SIPA1L2: variants seen among roughly 807,000 people sequenced by gnomAD.
SIPA1L2 encodes signal-induced proliferation-associated 1-like protein 2.
SIPA1L2 carries 56 observed loss-of-function variants against 163.9 expected under a neutral mutation model. That is an observed-to-expected ratio of 0.34 (90% CI 0.28 to 0.43). The LOEUF (loss-of-function observed/expected upper bound fraction) is 0.43. Ranked by LOEUF, SIPA1L2 falls within the 20% of genes least tolerant of loss-of-function variation. SIPA1L2 has a pLI of 1.00. For synonymous variants in SIPA1L2, 877 were observed against 865.7 expected, an observed-to-expected ratio of 1.01 and a Z score of -0.23; for missense variants, 1,974 against 2,193.5, an observed-to-expected ratio of 0.90 and a Z score of 2.00.
At chr1:232,464,283 A>G (rs916384076) in intron 9 of SIPA1L2, among the ~76,000 whole-genome samples, 9 of 152,266 alleles carry the variant, frequency 5.9e-5, no homozygotes, top group African/African-American at 2.2e-4. Flanking sequence ...TAAAAATCAC[A>G]TACATGAAAA....
intron 2 of SIPA1L2, among the ~76,000 whole-genome samples, chr1:232,559,674 A>G (rs1658920851): frequency 6.6e-6 from 1 of 152,188 alleles, no homozygotes; most frequent in Non-Finnish European, 1.5e-5. Context: ...TTTTGTTTTC[A>G]TCATTGGGTG....
At chr1:232,455,574 G>C (rs1165710714) in intron 10 of SIPA1L2, among the ~76,000 whole-genome samples, 1 of 152,046 alleles carries the variant, frequency 6.6e-6, no homozygotes, top group East Asian at 1.9e-4. Context: ...CCAGCTACTC[G>C]GAAGGCTGAA....
chr1:232,577,311 A>C (rs777071006), intron 1 of SIPA1L2, among the ~76,000 whole-genome samples: 3 of 152,208 alleles, frequency 2.0e-5, no homozygotes, highest in Non-Finnish European at 2.9e-5. Context: ...GCTCAGAAAA[A>C]AAGATTCCTT....
chr1:232,608,387 T>C lies in SIPA1L2; in HGVS notation c.-319+21482A>G, dbSNP rs572974430. Among the ~76,000 whole-genome samples the C allele has an allele frequency of 2.6e-5, 4 of 152,278 alleles. No individual in the cohort carries two copies. In the South Asian group the frequency reaches 8.3e-4, roughly 32 times the overall value. The stretch of plus-strand genomic sequence containing the variant: ...TTGAGAGGAATGGGCAGATAATCTT[T>C]TAGGGATAGCTTCTCACAAGGGTTC... On this transcript the variant is annotated intron_variant, in intron 1 of 22. Transcript: ENST00000674635.
intron 18 of SIPA1L2, among the ~76,000 whole-genome samples, chr1:232,416,878 C>G (rs537652710): frequency 6.6e-6 from 1 of 152,276 alleles, no homozygotes; most frequent in East Asian, 1.9e-4. Context: ...TCCTTAAACT[C>G]TCATCAAGGT....
chr1:232,585,498 C>A (rs889110933), intron 1 of SIPA1L2, among the ~76,000 whole-genome samples: 1 of 152,184 alleles, frequency 6.6e-6, no homozygotes, highest in African/African-American at 2.4e-5. Context: ...CTAATGGAAA[C>A]TGATCCAAAG....
chr1:232,588,079 T>C (rs1366944044), intron 1 of SIPA1L2, among the ~76,000 whole-genome samples: 1 of 152,152 alleles, frequency 6.6e-6, no homozygotes, highest in Non-Finnish European at 1.5e-5. Flanking sequence ...AAAAAACTGA[T>C]TTTATTACGC....
At chr1:232,440,329 C>T (rs1360644080) in intron 14 of SIPA1L2, among the ~76,000 whole-genome samples, 1 of 152,186 alleles carries the variant, frequency 6.6e-6, no homozygotes, top group African/African-American at 2.4e-5. Context: ...ACGAGCCAGG[C>T]CCCAGTAGAT....
At position 232,465,111 on chromosome 1, in the gene SIPA1L2, A is replaced by G. The variant is rs1664440415; in HGVS notation, c.2549T>C (p.Phe850Ser). ...KVKPRKDAHLFSIGAIMWHVI... is the reference protein window; with the variant it reads ...KVKPRKDAHLSSIGAIMWHVI... ...GTGCCACATGATGGCCCCAATGCTA[A>G]ACAAGTGGGCATCCTTCCTTGGCTT... Residue 850 changes from phenylalanine (F) to serine (S), a missense_variant, in exon 9 of 23, where the codon TTT (phenylalanine) becomes TCT (serine). By Grantham distance (155) the Phe-to-Ser change is radical. Coordinates refer to ENST00000674635, the MANE Select transcript of SIPA1L2 (RefSeq NM_020808.5). The surrounding 1 kb of genome is among the most constrained non-coding windows in gnomAD (Gnocchi z 4.1). 1.2e-6 allele frequency: 2 copies of G among 1,614,056 alleles called. No individual in the cohort carries two copies. Among genetic ancestry groups the G allele is most frequent in the African/African-American group, 2.7e-5 (2 of 74,920 alleles).
At chr1:232,618,525 G>T (rs1206787123) in intron 1 of SIPA1L2, among the ~76,000 whole-genome samples, 1 of 152,024 alleles carries the variant, frequency 6.6e-6, no homozygotes, top group Non-Finnish European at 1.5e-5. Flanking sequence ...ATGGTGGCGT[G>T]CGCCTATAAT....
chr1:232,585,392 C>G (rs956259151), intron 1 of SIPA1L2, among the ~76,000 whole-genome samples: 3 of 152,168 alleles, frequency 2.0e-5, no homozygotes, highest in Admixed American at 2.0e-4. Flanking sequence ...GTCATAGGAT[C>G]ACCACAGAAC....
chr1:232,574,056 A>T (rs979518564), intron 2 of SIPA1L2, among the ~76,000 whole-genome samples, 118 bp downstream of exon 2: 1 of 151,684 alleles, frequency 6.6e-6, no homozygotes, highest in African/African-American at 2.4e-5. Flanking sequence ...AAAAACATAC[A>T]CTCTATCAGC....
In SIPA1L2 at chr1:232,480,160, T is replaced by TGTGC. The variant is rs199974758; in HGVS notation, c.1982-431_1982-430insGCAC. ...GCATCTGTGTGTGTGTGTGCGTGTGTGTGTGTGTGTGTGTGTGTGTGTGTG... is the reference window on the plus strand; with the variant it reads ...GCATCTGTGTGTGTGTGTGCGTGTGTGTGCGTGTGTGTGTGTGTGTGTGTGTGTG... On this transcript the variant is annotated intron_variant, in intron 6 of 22. Coordinates refer to ENST00000674635, the MANE Select transcript of SIPA1L2 (RefSeq NM_020808.5). Among the ~76,000 whole-genome samples the TGTGC allele has an allele frequency of 2.1e-3, 261 of 124,762 alleles. 1 individual carries two copies. Among genetic ancestry groups the TGTGC allele is most frequent in the African/African-American group, 8.0e-3 (227 of 28,280 alleles). 81.8% of individuals were successfully genotyped at this position (124,762 alleles called of 152,430 possible). A position where few individuals can be genotyped will look rare whatever the true frequency, so the allele number is the denominator to read the frequency against.
intron 3 of SIPA1L2, among the ~76,000 whole-genome samples, chr1:232,501,923 G>T (rs1472984718): frequency 1.4e-5 from 2 of 141,534 alleles, no homozygotes; most frequent in Admixed American, 7.3e-5. Context: ...GCCTTCCTTC[G>T]GCTGCTTCTC....
intron 2 of SIPA1L2, among the ~76,000 whole-genome samples, chr1:232,537,832 C>A (rs911559675): frequency 2.6e-5 from 4 of 152,210 alleles, no homozygotes; most frequent in Non-Finnish European, 4.4e-5. Flanking sequence ...GCCTCCCATA[C>A]GCAAATGTGT....
intron 2 of SIPA1L2, among the ~76,000 whole-genome samples, chr1:232,542,688 G>A (rs1384539316): frequency 1.3e-5 from 2 of 152,170 alleles, no homozygotes; most frequent in Non-Finnish European, 2.9e-5. Flanking sequence ...CCCACAGAGT[G>A]AAGGAAAAAG....
At chr1:232,466,112 G>A (rs1381180206) in intron 8 of SIPA1L2, among the ~76,000 whole-genome samples, 1 of 152,160 alleles carries the variant, frequency 6.6e-6, no homozygotes, top group Non-Finnish European at 1.5e-5. Context: ...TAAGCAGGCT[G>A]GCACTCTATA....
rs1327918664 is a variant in SIPA1L2, at chr1:232,399,002, G to C, written c.*125C>G. On this transcript the variant is annotated 3_prime_UTR_variant, in exon 23 of 23. Coordinates refer to ENST00000674635, the MANE Select transcript of SIPA1L2 (RefSeq NM_020808.5). ...TCCCTATCCTGCTGTGGTGAATGGTGCTACACAGAATGGAACAGCAAAAAC... is the reference window on the plus strand; with the variant it reads ...TCCCTATCCTGCTGTGGTGAATGGTCCTACACAGAATGGAACAGCAAAAAC... 6 of 1,343,418 alleles carry C rather than the reference G, an allele frequency of 4.5e-6. No individual in the cohort carries two copies. The African/African-American group carries it at 8.6e-5, about 19-fold the overall frequency. The allele number at this position is 1,343,418 out of a possible 1,614,324, so 83.2% of individuals were successfully genotyped here. A position where few individuals can be genotyped will look rare whatever the true frequency, so the allele number is the denominator to read the frequency against.
intron 10 of SIPA1L2, among the ~76,000 whole-genome samples, chr1:232,452,680 T>G (rs1663656281): frequency 6.6e-6 from 1 of 152,162 alleles, no homozygotes; most frequent in African/African-American, 2.4e-5. Flanking sequence ...ACCATCACTG[T>G]TTGAGTCTAG....
Sources: allele counts gnomAD v4.1 joint callset (sites outside exome capture counted in the v4.1 genomes callset), GRCh38; gene constraint gnomAD v4.1.1; non-coding constraint Gnocchi (gnomAD v3.1); transcripts MANE v1.5; gene names NCBI Gene and HGNC (gene_info 2026-07-23, HGNC 2026-07-21).